The following HPCAL1 variants were observed in gnomAD, a reference collection of about 807,000 sequenced individuals.
HPCAL1 encodes the protein hippocalcin-like protein 1.
A neutral mutation model predicts 17.1 loss-of-function variants in HPCAL1; 8 were observed. That is an observed-to-expected ratio of 0.47 (90% CI 0.27 to 0.84). The LOEUF (loss-of-function observed/expected upper bound fraction) is 0.84, where lower values mean the gene tolerates loss of function less well. Ranked by LOEUF, HPCAL1 falls within the 40% of genes least tolerant of loss-of-function variation. The pLI, the probability that HPCAL1 is intolerant of heterozygous loss-of-function variation, is 0.13. For missense variants in HPCAL1, 165 were observed against 271.1 expected, an observed-to-expected ratio of 0.61 and a Z score of 2.75; for synonymous variants, 112 against 111.4, an observed-to-expected ratio of 1.01 and a Z score of -0.03.
chr2:10,314,948 A>C (rs1663211335), intron 1 of HPCAL1, among the ~76,000 whole-genome samples: 2 of 152,190 alleles, frequency 1.3e-5, no homozygotes, highest in South Asian at 4.1e-4. Context: ...AGAGACTGAA[A>C]ATCAGCTGTT....
chr2:10,401,926 A>C (rs957824956), intron 2 of HPCAL1, among the ~76,000 whole-genome samples: 1 of 152,210 alleles, frequency 6.6e-6, no homozygotes, highest in Non-Finnish European at 1.5e-5. Flanking sequence ...TTTTTGAGAC[A>C]GTCTCGCTGT....
At chr2:10,399,394 C>T (rs868723438) in intron 2 of HPCAL1, among the ~76,000 whole-genome samples, 373 of 54,314 alleles carry the variant, frequency 6.9e-3, no homozygotes, top group Non-Finnish European at 0.01. Flanking sequence ...ACCACCACCA[C>T]CATCACCACC....
At chr2:10,418,433 T>G (rs1572862342) in intron 2 of HPCAL1, among the ~76,000 whole-genome samples, 1 of 109,010 alleles carries the variant, frequency 9.2e-6, no homozygotes, top group African/African-American at 4.0e-5. Context: ...GGCAACACAG[T>G]GAGACTCCAT....
At chr2:10,393,874 G>A (rs62128252) in intron 1 of HPCAL1, among the ~76,000 whole-genome samples, 23,548 of 151,628 alleles carry the variant, frequency 0.16, 1,895 homozygotes, top group African/African-American at 0.17. Flanking sequence ...CAGTACTGAG[G>A]GAGGCCAAGG....
chr2:10,377,400 G>A lies in HPCAL1; in HGVS notation c.-110-19435G>A, dbSNP rs923171757. ...TTGCAAAGGTAACTGGCATTCTGCC[G>A]GCTGCTCAACTCTGTGGACACCAGT... On this transcript the variant is annotated intron_variant, in intron 1 of 4. Transcript: ENST00000307845. This position sits in a 1 kb window ranked among gnomAD's most constrained non-coding sequence, Gnocchi z 5.9. 3.9e-5 allele frequency among the ~76,000 whole-genome samples: 6 copies of A among 152,280 alleles called. No homozygotes were observed. The East Asian group carries it at 9.7e-4, about 25-fold the overall frequency.
chr2:10,422,916 C>A, intron 3 of HPCAL1, 67 bp from the exon 4 acceptor site: 1 of 1,163,418 alleles, frequency 8.6e-7, no homozygotes, highest in Admixed American at 1.8e-5. Flanking sequence ...TGGGCGGAAG[C>A]CCACCCTTGC....
chr2:10,341,266 C>A (rs1419264515), intron 1 of HPCAL1, among the ~76,000 whole-genome samples: 1 of 152,058 alleles, frequency 6.6e-6, no homozygotes, highest in Non-Finnish European at 1.5e-5. Context: ...ACAAAACCAT[C>A]CTGGGCAACA....
chr2:10,335,142 C>G (rs1572663095), intron 1 of HPCAL1, among the ~76,000 whole-genome samples: 1 of 152,260 alleles, frequency 6.6e-6, no homozygotes, highest in Non-Finnish European at 1.5e-5. Context: ...TCTTCACACC[C>G]TTGTGTAATC....
At chr2:10,308,811 G>A (rs962830284) in intron 1 of HPCAL1, among the ~76,000 whole-genome samples, 1 of 152,242 alleles carries the variant, frequency 6.6e-6, no homozygotes, top group Non-Finnish European at 1.5e-5. Flanking sequence ...GTCAGGTGAT[G>A]TGAGCCCTGC....
At chr2:10,379,343 C>G (rs890821547) in intron 1 of HPCAL1, among the ~76,000 whole-genome samples, 2 of 151,398 alleles carry the variant, frequency 1.3e-5, no homozygotes, top group African/African-American at 4.9e-5. Context: ...GTGGAAGTTA[C>G]TTTGGAGGGA....
rs143947945 is a variant in HPCAL1, at chr2:10,405,698, G to A, written c.-25+8778G>A. Among the ~76,000 whole-genome samples the A allele has an allele frequency of 7.9e-5, 12 of 152,334 alleles. No homozygotes were observed. The East Asian group carries it at 2.1e-3, about 27-fold the overall frequency. On this transcript the variant is annotated intron_variant, in intron 2 of 4. Coordinates refer to ENST00000307845, the MANE Select transcript of HPCAL1 (RefSeq NM_002149.4). ...TGCGCTCCAAGATGCCTGGGAGCTG[G>A]CATGCCAAATCACCAGGCGTCATCA...
intron 1 of HPCAL1, among the ~76,000 whole-genome samples, chr2:10,396,142 C>G (rs1441468787): frequency 6.6e-6 from 1 of 152,212 alleles, no homozygotes; most frequent in Non-Finnish European, 1.5e-5. Flanking sequence ...CCTTCTCAGT[C>G]TCTGGATGGT....
rs1438679214 is a variant in HPCAL1, at chr2:10,399,526, C to T, written c.-25+2606C>T. 8.5e-5 allele frequency among the ~76,000 whole-genome samples: 9 copies of T among 106,408 alleles called. 1 individual carries two copies. Among genetic ancestry groups the T allele is most frequent in the Admixed American group, 6.1e-4 (7 of 11,500 alleles). 69.8% of individuals were successfully genotyped at this position (106,408 alleles called of 152,430 possible). A position where few individuals can be genotyped will look rare whatever the true frequency, so the allele number is the denominator to read the frequency against. On this transcript the variant is annotated intron_variant, in intron 2 of 4. Coordinates refer to ENST00000307845, the MANE Select transcript of HPCAL1 (RefSeq NM_002149.4). ...ATCACCACCACCGCCGCCACCACCGCCACTGCCACCGCCACCATCACCGCC... is the reference window on the plus strand; with the variant it reads ...ATCACCACCACCGCCGCCACCACCGTCACTGCCACCGCCACCATCACCGCC...
At chr2:10,356,790 C>T (rs943455348) in intron 1 of HPCAL1, among the ~76,000 whole-genome samples, 2 of 152,148 alleles carry the variant, frequency 1.3e-5, no homozygotes, top group Non-Finnish European at 2.9e-5. Flanking sequence ...TGGCTTCCCC[C>T]CTCCCTCCAG....
At chr2:10,321,146 C>T (rs971142508) in intron 1 of HPCAL1, among the ~76,000 whole-genome samples, 2 of 152,124 alleles carry the variant, frequency 1.3e-5, no homozygotes, top group Non-Finnish European at 2.9e-5. Flanking sequence ...ACAATCATGG[C>T]GGAAGGTGAC....
chr2:10,332,753 A>G (rs1558464282), intron 1 of HPCAL1, among the ~76,000 whole-genome samples: 2 of 151,864 alleles, frequency 1.3e-5, no homozygotes, highest in African/African-American at 2.4e-5. Context: ...AAGACATCAC[A>G]GGTAGGGGGA....
At chr2:10,340,598 T>C (rs923720776) in intron 1 of HPCAL1, among the ~76,000 whole-genome samples, 3 of 152,188 alleles carry the variant, frequency 2.0e-5, no homozygotes, top group African/African-American at 4.8e-5. Flanking sequence ...GACTGAACTT[T>C]CCAGGGCCAC....
chr2:10,407,064 G>C (rs765333870), intron 2 of HPCAL1, among the ~76,000 whole-genome samples: 5 of 152,168 alleles, frequency 3.3e-5, no homozygotes, highest in Non-Finnish European at 7.3e-5. Flanking sequence ...TCTCACTGGA[G>C]AGTAGCAGGA....
At chr2:10,397,999 C>G (rs1271041950) in intron 2 of HPCAL1, among the ~76,000 whole-genome samples, 1 of 152,192 alleles carries the variant, frequency 6.6e-6, no homozygotes, top group Non-Finnish European at 1.5e-5. Context: ...GGTATCTGGA[C>G]CAGCAGGACC....
Sources: gnomAD v4.1 joint callset for allele counts (sites outside exome capture counted in the v4.1 genomes callset) on GRCh38, gnomAD v4.1.1 for gene constraint, Gnocchi (gnomAD v3.1) non-coding constraint, MANE v1.5 for transcripts, NCBI Gene and HGNC (gene_info 2026-07-23, HGNC 2026-07-21) for gene names.